CYP19A1: variants seen among roughly 807,000 people sequenced by gnomAD.
The protein encoded by CYP19A1 is cytochrome P450 family 19 subfamily A member 1.
Under a neutral mutation model 44.4 loss-of-function variants are expected in CYP19A1, and 32 were observed. That is an observed-to-expected ratio of 0.72 (90% CI 0.54 to 0.97). The LOEUF (loss-of-function observed/expected upper bound fraction) is 0.97, where lower values mean the gene tolerates loss of function less well. Among genes scored for constraint, CYP19A1 ranks in the 50% least tolerant of loss-of-function variants. The probability of loss-of-function intolerance (pLI) is 0.00; values close to 1 mark genes in which losing one functional copy is unlikely to be tolerated. For synonymous variants in CYP19A1, 212 were observed against 215.6 expected (o/e 0.98, Z 0.14); for missense variants, 598 against 637.8 (o/e 0.94, Z 0.67).
At chr15:51,222,240 CAA>C in intron 5 of CYP19A1, 107 bp downstream of exon 5, 1 of 1,579,142 alleles carries the variant, frequency 6.3e-7, no homozygotes, top group Non-Finnish European at 8.6e-7. Context: ...AATGTTTAAA[CAA>C]GAGCAATGTA....
intron 6 of CYP19A1, among the ~76,000 whole-genome samples, chr15:51,216,171 A>G (rs1038600174): frequency 6.6e-6 from 1 of 152,088 alleles, no homozygotes; most frequent in African/African-American, 2.4e-5. Context: ...AAACAAAAAA[A>G]CCTGTGAGTG....
rs80073418 is a variant in CYP19A1 at position 51,257,590 on chromosome 15, C to T, written c.-38-14640G>A. 3.7e-3 allele frequency among the ~76,000 whole-genome samples: 571 copies of T among 152,320 alleles called. 4 individuals are homozygous for T. The highest frequency in any genetic ancestry group is 0.013 in the African/African-American group (553 of 41,578). On this transcript the variant is annotated intron_variant, in intron 1 of 9. Transcript: ENST00000396402. ...GAGGAGCTTTGCCTCCATGTCATGG[C>T]GTAAGGAATCCAAACAGGCCTTGGC... is the stretch of plus-strand genomic sequence containing the variant.
At chr15:51,264,472 A>G (rs897658820) in intron 1 of CYP19A1, among the ~76,000 whole-genome samples, 2 of 150,596 alleles carry the variant, frequency 1.3e-5, no homozygotes, top group Admixed American at 1.3e-4. Flanking sequence ...TGAACCTTAC[A>G]GGAGATTTCA....
intron 1 of CYP19A1, among the ~76,000 whole-genome samples, chr15:51,303,255 A>G (rs758655046): frequency 6.6e-6 from 1 of 152,184 alleles, no homozygotes; most frequent in Non-Finnish European, 1.5e-5. Flanking sequence ...CTCTGATTAG[A>G]GAATTTAGGC....
intron 1 of CYP19A1, among the ~76,000 whole-genome samples, chr15:51,315,116 C>T (rs2036398149): frequency 6.6e-6 from 1 of 152,170 alleles, no homozygotes; most frequent in Non-Finnish European, 1.5e-5. Flanking sequence ...CTTGAGATAA[C>T]ACAGAAACTC....
At chr15:51,300,591 C>A (rs2036092123) in intron 1 of CYP19A1, among the ~76,000 whole-genome samples, 1 of 152,130 alleles carries the variant, frequency 6.6e-6, no homozygotes, top group Non-Finnish European at 1.5e-5. Flanking sequence ...ACCACGCCTG[C>A]CAGGCCTGGA....
At chr15:51,293,870 C>T in intron 1 of CYP19A1, 1 of 199,788 alleles carries the variant, frequency 5.0e-6, no homozygotes, top group Non-Finnish European at 9.9e-6. Context: ...TCAATGGTGC[C>T]CAGGCTGGGG....
chr15:51,290,214 T>G (rs1211871235), intron 1 of CYP19A1, among the ~76,000 whole-genome samples: 19 of 152,174 alleles, frequency 1.2e-4, no homozygotes, highest in Admixed American at 1.2e-3. Context: ...TGTTAGCTAT[T>G]AATAATAAAA....
intron 1 of CYP19A1, among the ~76,000 whole-genome samples, chr15:51,300,818 A>G (rs577896446): frequency 5.3e-5 from 8 of 152,364 alleles, no homozygotes; most frequent in Admixed American, 2.0e-4. Flanking sequence ...GTTTAAAAAT[A>G]TATGGTAATG....
intron 3 of CYP19A1, among the ~76,000 whole-genome samples, chr15:51,234,394 A>AGTCG (rs1312250208): frequency 6.6e-6 from 1 of 152,136 alleles, no homozygotes; most frequent in African/African-American, 2.4e-5. Flanking sequence ...CCAGCGCCTG[A>AGTCG]GTCGGTCGGG....
chr15:51,215,679 A>G, intron 7 of CYP19A1, 24 bp downstream of exon 7: 1 of 1,613,942 alleles, frequency 6.2e-7, no homozygotes, highest in Non-Finnish European at 8.5e-7. Flanking sequence ...TGGCATGGGA[A>G]TTACAGTTAG....
chr15:51,302,688 T>G (rs1164427797), intron 1 of CYP19A1, among the ~76,000 whole-genome samples: 1 of 152,170 alleles, frequency 6.6e-6, no homozygotes, highest in Non-Finnish European at 1.5e-5. Context: ...ACCTCCAATC[T>G]CTGCCTGTGG....
chr15:51,318,689 C>A (rs1364681687), intron 1 of CYP19A1: 1 of 152,202 alleles, frequency 6.6e-6, no homozygotes. Flanking sequence ...TTCACAGATT[C>A]CAGAGGGCTG....
chr15:51,247,064 C>T (rs192139617), intron 1 of CYP19A1, among the ~76,000 whole-genome samples: 3 of 152,228 alleles, frequency 2.0e-5, no homozygotes, highest in East Asian at 1.9e-4. Flanking sequence ...CATTCTGTGG[C>T]GTTGGACCCA....
At chr15:51,214,437 G>A (rs3784307) in intron 8 of CYP19A1, among the ~76,000 whole-genome samples, 63,917 of 151,934 alleles carry the variant, frequency 0.42, 14,662 homozygotes, top group Non-Finnish European at 0.52. Flanking sequence ...AGCATCACTG[G>A]ATTGGAGTGG....
intron 1 of CYP19A1, among the ~76,000 whole-genome samples, chr15:51,307,974 C>A (rs1054418611): frequency 6.6e-6 from 1 of 152,230 alleles, no homozygotes; most frequent in Non-Finnish European, 1.5e-5. Context: ...GTTCTTGGCA[C>A]AGTGCCTGGC....
intron 1 of CYP19A1, among the ~76,000 whole-genome samples, chr15:51,327,054 C>T (rs948708747): frequency 6.6e-6 from 1 of 152,144 alleles, no homozygotes; most frequent in African/African-American, 2.4e-5. Flanking sequence ...GCATGCACCA[C>T]TAATCATCCA....
At chr15:51,309,553 CTG>C (rs778463571) in intron 1 of CYP19A1, among the ~76,000 whole-genome samples, 2 of 152,202 alleles carry the variant, frequency 1.3e-5, no homozygotes, top group East Asian at 3.8e-4. Context: ...CCAAAACAGA[CTG>C]TGTTCTCTAA....
At chr15:51,317,851 G>A (rs2036456066) in intron 1 of CYP19A1, among the ~76,000 whole-genome samples, 1 of 152,212 alleles carries the variant, frequency 6.6e-6, no homozygotes, top group African/African-American at 2.4e-5. Context: ...GAGTGGCAGA[G>A]CCCATCTCAA....
Sources: allele counts gnomAD v4.1 joint callset (sites outside exome capture counted in the v4.1 genomes callset), GRCh38; gene constraint gnomAD v4.1.1; transcripts MANE v1.5; gene names NCBI Gene and HGNC (gene_info 2026-07-23, HGNC 2026-07-21).